ADGRL2: variants seen among roughly 807,000 people sequenced by gnomAD.
The protein encoded by ADGRL2 is adhesion G protein-coupled receptor L2.
ADGRL2 carries 44 observed loss-of-function variants against 157.4 expected under a neutral mutation model. The observed-to-expected ratio is 0.28, with a 90% CI of 0.22 to 0.36. The LOEUF is 0.36. Among genes scored for constraint, ADGRL2 ranks in the 10% least tolerant of loss-of-function variants. ADGRL2 has a pLI of 1.00. For missense variants in ADGRL2, 1,510 were observed against 1,768.9 expected (o/e 0.85, Z 2.63); for synonymous variants, 585 against 624.7 (o/e 0.94, Z 0.95).
At chr1:81,797,160 GTAA>G (rs1301211660), upstream of ADGRL2, among the ~76,000 whole-genome samples, 2 of 152,110 alleles carry the variant, frequency 1.3e-5, no homozygotes, top group African/African-American at 4.8e-5. Context: ...TCATCAACAA[GTAA>G]TGATGAAGAA....
intron 1 of ADGRL2, among the ~76,000 whole-genome samples, chr1:81,736,978 G>T (rs931915186): frequency 2.0e-5 from 3 of 152,130 alleles, no homozygotes; most frequent in Admixed American, 6.5e-5. Context: ...GGGACTACGG[G>T]TGCTCGCCAC....
chr1:81,537,116 A>G (rs912806640), intron 2 of ADGRL2, among the ~76,000 whole-genome samples: 2 of 152,214 alleles, frequency 1.3e-5, no homozygotes, highest in African/African-American at 2.4e-5. Context: ...TTTGAATTAC[A>G]TATACGGAAT....
intron 6 of ADGRL2, among the ~76,000 whole-genome samples, chr1:81,945,868 TTC>T (rs3838455): frequency 0.62 from 92,378 of 150,148 alleles, 28,774 homozygotes; most frequent in East Asian, 0.9. Context: ...CCCATATTCA[TTC>T]TCTCTCTCTC....
intron 1 of ADGRL2, among the ~76,000 whole-genome samples, chr1:81,816,661 A>G (rs2090434290): frequency 6.6e-6 from 1 of 151,888 alleles, no homozygotes; most frequent in Admixed American, 6.6e-5. Flanking sequence ...CTTAATGTGT[A>G]TTTAAGCCCT....
chr1:81,698,941 C>T (rs1157217358), upstream of ADGRL2, among the ~76,000 whole-genome samples: 1 of 152,026 alleles, frequency 6.6e-6, no homozygotes, highest in Non-Finnish European at 1.5e-5. Context: ...TCTACTGCTC[C>T]TTAGGGAGCA....
intron 17 of ADGRL2, 48 bp downstream of exon 17, chr1:81,971,966 G>A (rs1434892775): frequency 1.6e-6 from 2 of 1,217,812 alleles, no homozygotes; most frequent in East Asian, 4.7e-5. Flanking sequence ...TGCTTTAGCA[G>A]TGCTATTCAA....
At chr1:81,596,387 G>A (rs2081233543) in intron 3 of ADGRL2, 2 of 496,938 alleles carry the variant, frequency 4.0e-6, no homozygotes, top group Admixed American at 4.2e-5. Flanking sequence ...TTCCTCCTCT[G>A]ATCAAGTCAG....
At chr1:81,711,750 AG>A (rs1368540412) in intron 1 of ADGRL2, among the ~76,000 whole-genome samples, 2 of 152,180 alleles carry the variant, frequency 1.3e-5, no homozygotes, top group African/African-American at 4.8e-5. Flanking sequence ...AGAGTGAAAA[AG>A]GCAAATAATG....
At chr1:81,836,826 G>A in intron 1 of ADGRL2, 59 bp from the exon 2 acceptor site, 1 of 497,994 alleles carries the variant, frequency 2.0e-6, no homozygotes, top group Non-Finnish European at 3.5e-6. Flanking sequence ...CGGAGAGAGA[G>A]AATTGTTTTG....
chr1:81,872,490 C>A (rs1305170648), intron 2 of ADGRL2, among the ~76,000 whole-genome samples: 1 of 152,080 alleles, frequency 6.6e-6, no homozygotes, highest in Non-Finnish European at 1.5e-5. Context: ...CTTTACAGTT[C>A]ACATATTTCA....
At chr1:81,868,896 A>C (rs1405954117) in intron 2 of ADGRL2, among the ~76,000 whole-genome samples, 1 of 152,150 alleles carries the variant, frequency 6.6e-6, no homozygotes, top group Non-Finnish European at 1.5e-5. Flanking sequence ...GTCCGTATTT[A>C]GTAACCAAAG....
chr1:81,451,100 G>C (rs890087182), intron 2 of ADGRL2, among the ~76,000 whole-genome samples: 1 of 151,868 alleles, frequency 6.6e-6, no homozygotes, highest in Non-Finnish European at 1.5e-5. Flanking sequence ...TTACACACTC[G>C]CTAACAGATA....
intron 1 of ADGRL2, among the ~76,000 whole-genome samples, chr1:81,829,267 A>C (rs942107494): frequency 6.6e-6 from 1 of 152,198 alleles, no homozygotes; most frequent in African/African-American, 2.4e-5. Context: ...GGGAAGCCAA[A>C]GAATCTATTC....
intron 2 of ADGRL2, among the ~76,000 whole-genome samples, chr1:81,460,607 C>T (rs1018211373): frequency 5.9e-5 from 9 of 152,230 alleles, no homozygotes; most frequent in South Asian, 4.1e-4. Flanking sequence ...ATCAGAATCT[C>T]GGGCAGCATG....
At chr1:81,504,774 A>G (rs1048316846) in intron 2 of ADGRL2, among the ~76,000 whole-genome samples, 1 of 152,006 alleles carries the variant, frequency 6.6e-6, no homozygotes, top group African/African-American at 2.4e-5. Context: ...GAGGCAGAGG[A>G]CACCTCCCCA....
At chr1:81,500,554 A>G (rs1447152048) in intron 2 of ADGRL2, among the ~76,000 whole-genome samples, 1 of 152,200 alleles carries the variant, frequency 6.6e-6, no homozygotes, top group Non-Finnish European at 1.5e-5. Context: ...AAATCAAAGG[A>G]CAAATACTGC....
chr1:81,904,708 G>A (rs2094552601), intron 2 of ADGRL2, among the ~76,000 whole-genome samples: 1 of 152,204 alleles, frequency 6.6e-6, no homozygotes, highest in Non-Finnish European at 1.5e-5. Flanking sequence ...AAGGGTTCGA[G>A]ACCAGCCTGG....
chr1:81,648,167 A>G (rs932517846), intron 3 of ADGRL2, among the ~76,000 whole-genome samples: 8 of 152,246 alleles, frequency 5.3e-5, no homozygotes, highest in African/African-American at 1.7e-4. Flanking sequence ...GAGAGCCAGC[A>G]ATGAGATCAG....
intron 2 of ADGRL2, among the ~76,000 whole-genome samples, chr1:81,894,850 T>C (rs2094347440): frequency 6.6e-6 from 1 of 152,122 alleles, no homozygotes; most frequent in African/African-American, 2.4e-5. Flanking sequence ...CTTTTGAAGT[T>C]TTAGGGAAAA....
Sources: allele counts gnomAD v4.1 joint callset (sites outside exome capture counted in the v4.1 genomes callset), GRCh38; gene constraint gnomAD v4.1.1; transcripts MANE v1.5; gene names NCBI Gene and HGNC (gene_info 2026-07-23, HGNC 2026-07-21).